Variants in RNF130 observed in about 807,000 individuals in gnomAD.
RNF130 encodes the protein E3 ubiquitin-protein ligase RNF130.
Under a neutral mutation model 44.6 loss-of-function variants are expected in RNF130, and 21 were observed. The ratio of observed to expected loss-of-function variants is 0.47; its 90% confidence interval spans 0.33 to 0.68. RNF130 has a LOEUF of 0.68. RNF130 is among the 30% of genes least tolerant of loss of function. The pLI, the probability that RNF130 is intolerant of heterozygous loss-of-function variation, is 0.02. For synonymous variants in RNF130, 214 were observed against 210.4 expected, an observed-to-expected ratio of 1.02 and a Z score of -0.15; for missense variants, 479 against 560.6, an observed-to-expected ratio of 0.85 and a Z score of 1.47.
rs1762069870 is a variant in RNF130 at position 179,947,999 on chromosome 5, A to G, written c.1150+18807T>C. Among the ~76,000 whole-genome samples, 4 of 152,272 alleles carry G rather than the reference A, an allele frequency of 2.6e-5. No individual in the cohort carries two copies. In the Middle Eastern group the frequency reaches 0.01, roughly 391 times the overall value. On this transcript the variant is annotated intron_variant, in intron 7 of 7. Coordinates refer to the RNF130 transcript ENST00000522208. Reference sequence around the variant, plus strand: ...GAGACTCTGAATTGCTCTAGGGTGCAGGCTGTGCACATAGTAGGTCCTGGT... The same window carrying G: ...GAGACTCTGAATTGCTCTAGGGTGCGGGCTGTGCACATAGTAGGTCCTGGT...
intron 2 of RNF130, among the ~76,000 whole-genome samples, chr5:180,024,221 T>C (rs1349218565): frequency 6.6e-6 from 1 of 152,160 alleles, no homozygotes; most frequent in Non-Finnish European, 1.5e-5. Flanking sequence ...TGTAATGTGG[T>C]GTCCTGGGTG....
intron 2 of RNF130, among the ~76,000 whole-genome samples, chr5:180,032,330 T>C (rs1301564959): frequency 6.6e-6 from 1 of 152,210 alleles, no homozygotes; most frequent in East Asian, 1.9e-4. Flanking sequence ...AATATCCAAG[T>C]GAAGTCATTT....
chr5:180,024,780 A>C (rs542541662), intron 2 of RNF130, among the ~76,000 whole-genome samples: 19 of 152,274 alleles, frequency 1.2e-4, no homozygotes, highest in African/African-American at 4.6e-4. Flanking sequence ...CCGTTTTTTC[A>C]TGAGTTTTGC....
intron 7 of RNF130, among the ~76,000 whole-genome samples, chr5:179,944,029 C>T (rs969830246): frequency 3.5e-4 from 53 of 149,502 alleles, no homozygotes; most frequent in African/African-American, 1.2e-3. Context: ...TGGAGTGCAA[C>T]GGCGCGATCT....
chr5:180,070,246 G>A (rs575218897), intron 1 of RNF130, among the ~76,000 whole-genome samples: 1 of 152,152 alleles, frequency 6.6e-6, no homozygotes, highest in Non-Finnish European at 1.5e-5. Flanking sequence ...TTGTTTCTAC[G>A]GCCAAGCTGG....
chr5:180,046,433 T>G (rs1162468191), intron 1 of RNF130, among the ~76,000 whole-genome samples: 2 of 151,938 alleles, frequency 1.3e-5, no homozygotes, highest in African/African-American at 2.4e-5. Context: ...ATTCATTTGA[T>G]TTAGTAAAAC....
chr5:179,920,758 C>T (rs1409234814), intron 7 of RNF130, among the ~76,000 whole-genome samples: 2 of 148,648 alleles, frequency 1.3e-5, no homozygotes, highest in Non-Finnish European at 3.0e-5. Context: ...CCCCCCAGCC[C>T]TCTCATCTGG....
chr5:179,966,935 A>G lies in RNF130; in HGVS notation c.1021T>C (p.Ser341Pro). 1 of 1,614,194 alleles carries G rather than the reference A, an allele frequency of 6.2e-7. No homozygotes were observed. Among genetic ancestry groups the G allele is most frequent in the Non-Finnish European group, 8.5e-7 (1 of 1,180,032 alleles). The change falls in exon 7 of 9, where the codon TCA becomes CCA. Residue 341 changes from serine (S) to proline (P), a missense_variant. Physicochemically the swap from Ser to Pro is moderately conservative, Grantham distance 74 (BLOSUM62 -1). Around this residue, in one of 3 missense-constraint regions of RNF130, gnomAD observed 161 missense variants for 158.6 expected, o/e 1.02. Transcript: ENST00000521389. ...LTRTQAVNRR[S>P]ALGDLAGDNS... is the part of the protein sequence containing the mutation. The stretch of plus-strand genomic sequence containing the variant: ...TCGCCGGCGAGGTCGCCGAGGGCTG[A>G]TCTTCGGTTAACAGCTTGGGTTCTG...
In RNF130 at chr5:179,977,047, T is replaced by C. The variant is rs980109042; in HGVS notation, c.848+1156A>G. 1.3e-5 allele frequency: 2 copies of C among 152,178 alleles called. No individual in the cohort carries two copies. Among genetic ancestry groups the C allele is most frequent in the African/African-American group, 4.8e-5 (2 of 41,424 alleles). The allele number at this position is 152,178 out of a possible 1,614,324, so 9.4% of individuals were successfully genotyped here. A position where few individuals can be genotyped will look rare whatever the true frequency, so the allele number is the denominator to read the frequency against. On this transcript the variant is annotated intron_variant, in intron 5 of 8. Coordinates refer to ENST00000521389, the MANE Select transcript of RNF130 (RefSeq NM_018434.6). The surrounding 1 kb of genome is among the most constrained non-coding windows in gnomAD (Gnocchi z 4.1). ...AGTCCTTTCCTCATGGAGGAAGGCT[T>C]GGTCCCATGTGGGGAGCACCACATT... is the stretch of plus-strand genomic sequence containing the variant.
At chr5:179,968,789 C>T (rs11949896) in intron 6 of RNF130, among the ~76,000 whole-genome samples, 2,592 of 152,170 alleles carry the variant, frequency 0.017, 73 homozygotes, top group African/African-American at 0.059. Flanking sequence ...CATCTGGCAA[C>T]GTCTGGAGAC....
At chr5:179,936,455 C>T (rs1761892397) in intron 7 of RNF130, among the ~76,000 whole-genome samples, 1 of 152,060 alleles carries the variant, frequency 6.6e-6, no homozygotes, top group Non-Finnish European at 1.5e-5. Context: ...TCTTGAACGC[C>T]TGAGCTCAAG....
intron 3 of RNF130, among the ~76,000 whole-genome samples, chr5:179,994,779 G>A (rs1459716994): frequency 2.0e-5 from 3 of 152,224 alleles, no homozygotes; most frequent in African/African-American, 4.8e-5. Context: ...AGCAGATGTT[G>A]TAATGGGCTG....
Position 179,970,598 on chromosome 5 carries a change from C to A in RNF130, c.849-92G>T, listed in dbSNP as rs1762560036. 6 of 902,610 alleles carry A rather than the reference C, an allele frequency of 6.6e-6. No individual in the cohort carries two copies. In the South Asian group the frequency reaches 9.7e-5, roughly 15 times the overall value. The allele number at this position is 902,610 out of a possible 1,614,324, so 55.9% of individuals were successfully genotyped here. On this transcript the variant is annotated intron_variant, in intron 5 of 8. Transcript: ENST00000521389. ...GAAAGGGAATTTTTAGTTAAGTTTT[C>A]TTTTCCCCCTTTCAGGACATATTTT...
chr5:180,003,217 C>T (rs1025609709), intron 3 of RNF130, among the ~76,000 whole-genome samples: 12 of 151,880 alleles, frequency 7.9e-5, no homozygotes, highest in Admixed American at 2.0e-4. Flanking sequence ...CATGGAGGCA[C>T]GAAGAGGGGG....
chr5:180,067,673 CTATT>C (rs1346732758), intron 1 of RNF130, among the ~76,000 whole-genome samples: 2 of 152,158 alleles, frequency 1.3e-5, no homozygotes, highest in African/African-American at 2.4e-5. Flanking sequence ...TCTTGCCAGC[CTATT>C]TATGTTAAAA....
At chr5:179,989,383 T>C (rs1360621403) in intron 3 of RNF130, among the ~76,000 whole-genome samples, 1 of 152,188 alleles carries the variant, frequency 6.6e-6, no homozygotes, top group Non-Finnish European at 1.5e-5. Context: ...TTGGAGTGTA[T>C]CTATCCCTTG....
intron 7 of RNF130, among the ~76,000 whole-genome samples, chr5:179,930,867 G>A (rs755784795): frequency 1.3e-5 from 2 of 151,378 alleles, no homozygotes; most frequent in South Asian, 2.1e-4. Flanking sequence ...AACAAAACCC[G>A]GTCTCTACTA....
chr5:179,970,393 T>A lies in RNF130; in HGVS notation c.945+17A>T, dbSNP rs1451778646. The A allele has an allele frequency of 5.7e-6, 9 of 1,581,690 alleles. No homozygotes were observed. Among genetic ancestry groups the A allele is most frequent in the Non-Finnish European group, 7.8e-6 (9 of 1,155,772 alleles). On this transcript the variant is annotated intron_variant, in intron 6 of 8. Transcript: ENST00000521389. Reference sequence around the variant, plus strand: ...AATAATATACAAAAGTGGTAACAAATAAAATAGGAAACGTACCACAATTCC... The same window carrying A: ...AATAATATACAAAAGTGGTAACAAAAAAAATAGGAAACGTACCACAATTCC...
At chr5:179,978,113 G>A (rs1479908002) in intron 5 of RNF130, 90 bp downstream of exon 5, 7 of 1,102,374 alleles carry the variant, frequency 6.3e-6, no homozygotes, top group East Asian at 4.8e-5. Flanking sequence ...GGTGGGTGGC[G>A]CTCAAAAGCA....
Sources: allele counts gnomAD v4.1 joint callset (sites outside exome capture counted in the v4.1 genomes callset), GRCh38; gene constraint gnomAD v4.1.1; regional missense constraint gnomAD v4.1.1; non-coding constraint Gnocchi (gnomAD v3.1); transcripts MANE v1.5; gene names NCBI Gene and HGNC (gene_info 2026-07-23, HGNC 2026-07-21).